The following DGAT1 variants were observed in gnomAD, a reference collection of about 807,000 sequenced individuals.
DGAT1 encodes ACAT related gene product 1.
A neutral mutation model predicts 72.6 loss-of-function variants in DGAT1; 60 were observed. The ratio of observed to expected loss-of-function variants is 0.83; its 90% confidence interval spans 0.67 to 1.02. The LOEUF (loss-of-function observed/expected upper bound fraction) is 1.02, where lower values mean the gene tolerates loss of function less well. Ranked by LOEUF, DGAT1 falls within the 50% of genes least tolerant of loss-of-function variation. The pLI, the probability that DGAT1 is intolerant of heterozygous loss-of-function variation, is 0.00. For missense variants in DGAT1, 592 were observed against 670.0 expected (o/e 0.88, Z 1.29); for synonymous variants, 290 against 267.5 (o/e 1.08, Z -0.82).
In DGAT1 at chr8:144,314,946, G is replaced by A; in HGVS notation, c.*1608C>T. On this transcript the variant is annotated 3_prime_UTR_variant, in exon 17 of 17. Coordinates refer to ENST00000528718, the MANE Select transcript of DGAT1 (RefSeq NM_012079.6). ...CTCACCTTGGCCCTGGGGGTCTCTG[G>A]TTGTCACAGGACCACCAGGAACCCC... The A allele has an allele frequency of 3.0e-6, 3 of 986,000 alleles. No individual in the cohort carries two copies. The highest frequency in any genetic ancestry group is 3.6e-6 in the Non-Finnish European group (3 of 830,402). 61.1% of individuals were successfully genotyped at this position (986,000 alleles called of 1,614,324 possible).
Position 144,318,728 on chromosome 8 carries a change from C to T in DGAT1, c.439G>A (p.Ala147Thr). ...VIAANVFAVA[A>T]FQVEKRLAVG... ...GCCAGGCGCTTCTCAACCTGGAATG[C>T]AGCCACAGCAAAGACATTGGCCGCT... The change falls in exon 5 of 17, where the codon GCA becomes ACA. Residue 147 changes from alanine to threonine, a missense_variant. Transcript: ENST00000528718. 6.2e-7 allele frequency: 1 copy of T among 1,607,898 alleles called. No homozygotes were observed. The highest frequency in any genetic ancestry group is 8.5e-7 in the Non-Finnish European group (1 of 1,177,574).
rs564805332 is a variant in DGAT1 at position 144,316,599 on chromosome 8, G to A, written c.1422C>T (p.His474=). ...GQPIAVLMYV[H]DYYVLNYEAP... ...CCTCATAGTTGAGCACGTAGTAGTC[G>A]TGGACGTACATGAGGACGGCTATTG... Residue 474 remains histidine, a synonymous_variant, in exon 17 of 17, where the codon CAC becomes CAT. Transcript: ENST00000528718. 5.9e-5 allele frequency: 94 copies of A among 1,606,208 alleles called. 1 individual carries two copies. The South Asian group carries it at 9.4e-4, about 16-fold the overall frequency.
At chr8:144,325,242 CCT>C (rs1169946514) in intron 1 of DGAT1, among the ~76,000 whole-genome samples, 2 of 152,156 alleles carry the variant, frequency 1.3e-5, no homozygotes, top group African/African-American at 4.8e-5. Flanking sequence ...GGCAAGCACC[CCT>C]CTCAGGAGGG....
At position 144,315,154 on chromosome 8, in the gene DGAT1, T is replaced by C; in HGVS notation, c.*1400A>G. 4.1e-6 allele frequency: 4 copies of C among 985,476 alleles called. No individual in the cohort carries two copies. Among genetic ancestry groups the C allele is most frequent in the Non-Finnish European group, 4.8e-6 (4 of 829,952 alleles). The allele number at this position is 985,476 out of a possible 1,614,324, so 61.0% of individuals were successfully genotyped here. ...TGGGCAGTGGAGCAGGCTTTGCTGCTTTATCTGGCAGCAACAGTTTGTTCT... is the reference window on the plus strand; with the variant it reads ...TGGGCAGTGGAGCAGGCTTTGCTGCCTTATCTGGCAGCAACAGTTTGTTCT... On this transcript the variant is annotated 3_prime_UTR_variant, in exon 17 of 17. Transcript: ENST00000528718.
chr8:144,325,967 G>A (rs1232513140), intron 1 of DGAT1, among the ~76,000 whole-genome samples: 1 of 152,088 alleles, frequency 6.6e-6, no homozygotes, highest in Non-Finnish European at 1.5e-5. Flanking sequence ...TCCTCGGACA[G>A]GCCTGGGCTC....
intron 1 of DGAT1, among the ~76,000 whole-genome samples, chr8:144,323,615 C>G (rs1311457186): frequency 1.1e-4 from 17 of 152,208 alleles, no homozygotes; most frequent in Admixed American, 1.1e-3. Context: ...GCCCAAGCCT[C>G]TGCACCTTCC....
chr8:144,324,555 C>T (rs1450439911), intron 1 of DGAT1, among the ~76,000 whole-genome samples: 1 of 152,140 alleles, frequency 6.6e-6, no homozygotes, highest in African/African-American at 2.4e-5. Flanking sequence ...GGCCTCACCT[C>T]TCCATCTACT....
chr8:144,325,716 C>T (rs1817578970), intron 1 of DGAT1, among the ~76,000 whole-genome samples: 2 of 152,190 alleles, frequency 1.3e-5, no homozygotes, highest in African/African-American at 4.8e-5. Context: ...GCAGGGCACA[C>T]GCCTGCAGGT....
chr8:144,325,071 A>T (rs184196493), intron 1 of DGAT1, among the ~76,000 whole-genome samples: 4 of 152,164 alleles, frequency 2.6e-5, no homozygotes, highest in Admixed American at 1.3e-4. Flanking sequence ...CTCAAAAAAA[A>T]AGAAAAGAAA....
rs918631560 is a variant in DGAT1, at chr8:144,314,848, G to C, written c.*1706C>G. ...GGGGGAAGACGGATGCTTGCAGCTA[G>C]CTCCGTGCCTGCCCGACTCCCCAGG... On this transcript the variant is annotated 3_prime_UTR_variant, in exon 17 of 17. Transcript: ENST00000528718. The C allele has an allele frequency of 1.8e-5, 17 of 949,980 alleles. No homozygotes were observed. In the East Asian group the frequency reaches 4.5e-4, roughly 25 times the overall value. 58.8% of individuals were successfully genotyped at this position (949,980 alleles called of 1,614,324 possible). A position where few individuals can be genotyped will look rare whatever the true frequency, so the allele number is the denominator to read the frequency against.
Position 144,318,531 on chromosome 8 carries a change from G to A in DGAT1, c.504C>T (p.His168=), listed in dbSNP as rs142277695. 200 of 1,611,924 alleles carry A rather than the reference G, an allele frequency of 1.2e-4. No homozygotes were observed. Among genetic ancestry groups the A allele is most frequent in the Non-Finnish European group, 1.6e-4 (189 of 1,179,922 alleles). ...ALTEQAGLLL[H]VANLATILCF... The stretch of plus-strand genomic sequence containing the variant: ...ACAGAATGGTGGCCAGGTTGGCCAC[G>A]TGCAGCAGCAGTCCCGCCTGCTCCG... The change falls in exon 6 of 17, where the codon CAC becomes CAT. Residue 168 remains histidine (H), a synonymous_variant. Coordinates refer to ENST00000528718, the MANE Select transcript of DGAT1 (RefSeq NM_012079.6).
Position 144,318,200 on chromosome 8 carries a change from G to T in DGAT1, c.677-31C>A. ...AGCACAGCAGAGTGGGAGGGGGCTG[G>T]TGGGGCCCTGCTGCTGCCCAGCCCC... On this transcript the variant is annotated intron_variant, in intron 7 of 16. Coordinates refer to ENST00000528718, the MANE Select transcript of DGAT1 (RefSeq NM_012079.6). 2 of 1,609,582 alleles carry T rather than the reference G, an allele frequency of 1.2e-6. 1 individual carries two copies. The highest frequency in any genetic ancestry group is 3.3e-5 in the Admixed American group (2 of 59,752).
Position 144,318,322 on chromosome 8 carries a change from G to A in DGAT1, c.615C>T (p.Phe205=). The A allele has an allele frequency of 6.2e-6, 10 of 1,612,660 alleles. No individual in the cohort carries two copies. Among genetic ancestry groups the A allele is most frequent in the South Asian group, 1.1e-5 (1 of 91,022 alleles). The stretch of plus-strand genomic sequence containing the variant: ...CGTCGCGGTAGGAGAAGAGCTTGAG[G>A]AAGAGGATGGTGTGCGCCATCAGCG... ...LLALMAHTIL[F]LKLFSYRDVN... Residue 205 remains phenylalanine (F), a synonymous_variant, in exon 7 of 17, where the codon TTC becomes TTT. Transcript: ENST00000528718.
rs1326839711 is a variant in DGAT1 at position 144,315,869 on chromosome 8, T to C, written c.*685A>G. The C allele has an allele frequency of 3.0e-6, 3 of 985,628 alleles. No homozygotes were observed. The highest frequency in any genetic ancestry group is 1.1e-4 in the East Asian group (1 of 8,812). 61.1% of individuals were successfully genotyped at this position (985,628 alleles called of 1,614,324 possible). On this transcript the variant is annotated 3_prime_UTR_variant, in exon 17 of 17. Transcript: ENST00000528718. The stretch of plus-strand genomic sequence containing the variant: ...CCATGGACATAGCCATTGTGTACCG[T>C]AGCCCCTCGGCTCACCAGACCCACA...
In DGAT1 at chr8:144,317,325, A is replaced by C. The variant is rs782110104; in HGVS notation, c.1094+8T>G. On this transcript the variant is annotated splice_region_variant and intron_variant, in intron 13 of 16. Coordinates refer to ENST00000528718, the MANE Select transcript of DGAT1 (RefSeq NM_012079.6). ...CCCAGCCCCCAGGGACACCCCAGGG[A>C]CACTCACCACCAGTCCCGGTAGAAC... The C allele has an allele frequency of 6.2e-7, 1 of 1,613,564 alleles. No individual in the cohort carries two copies. Among genetic ancestry groups the C allele is most frequent in the Non-Finnish European group, 8.5e-7 (1 of 1,179,802 alleles).
chr8:144,318,669 GCA>G (rs1554847714), intron 5 of DGAT1, 28 bp downstream of exon 5: 2 of 1,607,824 alleles, frequency 1.2e-6, no homozygotes, highest in African/African-American at 1.3e-5. Context: ...AGCAGGGTGA[GCA>G]CACACGGAGG....
Position 144,315,960 on chromosome 8 carries a change from C to G in DGAT1, c.*594G>C, listed in dbSNP as rs1383650994. The G allele has an allele frequency of 8.1e-6, 8 of 986,490 alleles. No homozygotes were observed. Among genetic ancestry groups the G allele is most frequent in the Non-Finnish European group, 9.6e-6 (8 of 830,814 alleles). The allele number at this position is 986,490 out of a possible 1,614,324, so 61.1% of individuals were successfully genotyped here. The stretch of plus-strand genomic sequence containing the variant: ...GGCTGGAGCCCACTTCCCGCAAACC[C>G]AGGGCCGACCTCTTCCCAAGCTGAA... On this transcript the variant is annotated 3_prime_UTR_variant, in exon 17 of 17. Transcript: ENST00000528718.
Position 144,319,652 on chromosome 8 carries a change from C to T in DGAT1, c.289-584G>A, listed in dbSNP as rs148846609. On this transcript the variant is annotated intron_variant, in intron 2 of 16. Coordinates refer to ENST00000528718, the MANE Select transcript of DGAT1 (RefSeq NM_012079.6). ...AGGGCTTGTGCCCCGCCTGCCTCTT[C>T]TGCTTCCTGCCGCCCTCTAAGCCTT... is the stretch of plus-strand genomic sequence containing the variant. Among the ~76,000 whole-genome samples the T allele has an allele frequency of 4.1e-3, 632 of 152,330 alleles. 2 individuals carry two copies. The highest frequency in any genetic ancestry group is 0.015 in the African/African-American group (612 of 41,570).
At chr8:144,319,176 G>T in intron 2 of DGAT1, 108 bp from the exon 3 acceptor site, 1 of 1,331,354 alleles carries the variant, frequency 7.5e-7, no homozygotes, top group Non-Finnish European at 1.0e-6. Flanking sequence ...GCTCAGGGCG[G>T]CAGCCTCAGG....
Sources: allele counts gnomAD v4.1 joint callset (sites outside exome capture counted in the v4.1 genomes callset), GRCh38; gene constraint gnomAD v4.1.1; transcripts MANE v1.5; gene names NCBI Gene and HGNC (gene_info 2026-07-23, HGNC 2026-07-21).